AGBL4: variants seen among roughly 807,000 people sequenced by gnomAD.
AGBL4 encodes the protein AGBL carboxypeptidase 4, also known as cytosolic carboxypeptidase 6.
Under a neutral mutation model 66.4 loss-of-function variants are expected in AGBL4, and 58 were observed. The ratio of observed to expected loss-of-function variants is 0.87; its 90% confidence interval spans 0.71 to 1.09. The LOEUF (loss-of-function observed/expected upper bound fraction) is 1.09, where lower values mean the gene tolerates loss of function less well. AGBL4 is among the 50% of genes least tolerant of loss of function. The probability of loss-of-function intolerance (pLI) is 0.00; values close to 1 mark genes in which losing one functional copy is unlikely to be tolerated. For synonymous variants in AGBL4, 234 were observed against 222.9 expected (o/e 1.05, Z -0.44); for missense variants, 579 against 631.0 (o/e 0.92, Z 0.88).
At chr1:49,575,462 G>A (rs933096208) in intron 3 of AGBL4, among the ~76,000 whole-genome samples, 2 of 152,196 alleles carry the variant, frequency 1.3e-5, no homozygotes, top group Admixed American at 1.3e-4. Flanking sequence ...AGAAAAAATA[G>A]TAAATCAGAA....
At chr1:49,431,074 A>G (rs1645775428) in intron 3 of AGBL4, among the ~76,000 whole-genome samples, 1 of 152,174 alleles carries the variant, frequency 6.6e-6, no homozygotes, top group Non-Finnish European at 1.5e-5. Flanking sequence ...GCATGGACAT[A>G]TAATAAATAG....
At chr1:48,873,536 A>T (rs2148831812) in intron 5 of AGBL4, among the ~76,000 whole-genome samples, 1 of 152,160 alleles carries the variant, frequency 6.6e-6, no homozygotes, top group African/African-American at 2.4e-5. Flanking sequence ...AGTTTCCTGA[A>T]GGCAGGCGCT....
intron 3 of AGBL4, among the ~76,000 whole-genome samples, chr1:49,289,893 A>G (rs1644501508): frequency 6.6e-6 from 1 of 152,088 alleles, no homozygotes; most frequent in East Asian, 1.9e-4. Context: ...AATGGAAAAA[A>G]CTCAACAATA....
At chr1:49,614,265 A>G (rs569642846) in intron 3 of AGBL4, among the ~76,000 whole-genome samples, 1 of 152,052 alleles carries the variant, frequency 6.6e-6, no homozygotes, top group East Asian at 1.9e-4. Flanking sequence ...ACTATAGACT[A>G]GTTTTGTTGT....
At chr1:49,626,445 G>T (rs2124330897) in intron 3 of AGBL4, among the ~76,000 whole-genome samples, 1 of 152,190 alleles carries the variant, frequency 6.6e-6, no homozygotes, top group East Asian at 1.9e-4. Flanking sequence ...GGGTAAGAAA[G>T]GCAAACTCAT....
chr1:49,092,453 T>G (rs1157313338), intron 4 of AGBL4, among the ~76,000 whole-genome samples: 1 of 152,142 alleles, frequency 6.6e-6, no homozygotes, highest in African/African-American at 2.4e-5. Context: ...TTCCCCCTAC[T>G]TCAATAACCT....
intron 3 of AGBL4, among the ~76,000 whole-genome samples, chr1:49,513,798 AACTG>A (rs1649494830): frequency 6.6e-6 from 1 of 152,012 alleles, no homozygotes; most frequent in South Asian, 2.1e-4. Flanking sequence ...GCGCTGGGTC[AACTG>A]ACTGCTTGAC....
chr1:48,553,569 C>T (rs898364264), intron 11 of AGBL4, among the ~76,000 whole-genome samples: 4 of 152,116 alleles, frequency 2.6e-5, no homozygotes, highest in African/African-American at 9.7e-5. Flanking sequence ...TGTTTTGAAA[C>T]ATTTCAGCTC....
intron 1 of AGBL4, among the ~76,000 whole-genome samples, chr1:50,013,574 A>G (rs1341397749): frequency 6.6e-6 from 1 of 152,212 alleles, no homozygotes; most frequent in Non-Finnish European, 1.5e-5. Flanking sequence ...GTTTACTAGC[A>G]TTTCCCATAA....
chr1:48,816,060 T>C (rs1180718379), intron 6 of AGBL4, among the ~76,000 whole-genome samples: 1 of 147,520 alleles, frequency 6.8e-6, no homozygotes, highest in South Asian at 2.2e-4. Context: ...TGTGTGTGTG[T>C]GTGTGTGTGT....
chr1:49,965,993 G>C (rs1381410261), intron 1 of AGBL4, among the ~76,000 whole-genome samples: 1 of 148,912 alleles, frequency 6.7e-6, no homozygotes, highest in Non-Finnish European at 1.5e-5. Flanking sequence ...CCAGGCTGGA[G>C]TGCAGTGGCG....
intron 4 of AGBL4, among the ~76,000 whole-genome samples, chr1:49,195,456 CT>C (rs1199568730): frequency 1.3e-5 from 2 of 151,970 alleles, no homozygotes; most frequent in African/African-American, 4.8e-5. Context: ...CACTCTTTTT[CT>C]TTTAGCACTT....
intron 2 of AGBL4, among the ~76,000 whole-genome samples, chr1:49,740,170 A>T (rs1650308924): frequency 1.3e-5 from 2 of 152,212 alleles, no homozygotes; most frequent in South Asian, 4.1e-4. Context: ...ACGTGCAGAG[A>T]CACACATAGG....
intron 6 of AGBL4, among the ~76,000 whole-genome samples, chr1:48,669,213 G>A (rs979024687): frequency 3.3e-5 from 5 of 152,182 alleles, no homozygotes; most frequent in East Asian, 1.9e-4. Flanking sequence ...CTTATAAGAT[G>A]AGAATAATAA....
intron 5 of AGBL4, among the ~76,000 whole-genome samples, chr1:48,997,079 C>T (rs1177291913): frequency 5.9e-5 from 9 of 152,004 alleles, no homozygotes; most frequent in South Asian, 4.2e-4. Flanking sequence ...CCCGCCACCA[C>T]GCCCAGCTAG....
intron 1 of AGBL4, among the ~76,000 whole-genome samples, chr1:49,954,640 C>T (rs1012365575): frequency 2.0e-5 from 3 of 151,976 alleles, no homozygotes; most frequent in Non-Finnish European, 2.9e-5. Context: ...TAAGACATTT[C>T]ATATGGCACT....
chr1:49,654,043 C>T (rs146347399), intron 3 of AGBL4, among the ~76,000 whole-genome samples: 33 of 151,992 alleles, frequency 2.2e-4, no homozygotes, highest in Admixed American at 4.6e-4. Flanking sequence ...AAGATCGAAA[C>T]GAAAGAAAAC....
chr1:49,323,376 G>A (rs1172759912), intron 3 of AGBL4, among the ~76,000 whole-genome samples: 2 of 151,620 alleles, frequency 1.3e-5, no homozygotes, highest in Non-Finnish European at 2.9e-5. Flanking sequence ...CCGCCTCCTG[G>A]ATTCAAACAC....
At chr1:48,709,584 C>CATTATTATTATTATT (rs10657477) in intron 6 of AGBL4, among the ~76,000 whole-genome samples, 38,585 of 141,582 alleles carry the variant, frequency 0.27, 5,695 homozygotes, top group East Asian at 0.35. Flanking sequence ...ATTTGCCAGG[C>CATTATTATTATTATT]ATTATTATTA....
Sources: gnomAD v4.1 joint callset for allele counts (sites outside exome capture counted in the v4.1 genomes callset) on GRCh38, gnomAD v4.1.1 for gene constraint, MANE v1.5 for transcripts, NCBI Gene and HGNC (gene_info 2026-07-23, HGNC 2026-07-21) for gene names.